CELF2: variants seen among roughly 807,000 people sequenced by gnomAD.
The protein encoded by CELF2 is CUGBP Elav-like family member 2.
A neutral mutation model predicts 62.6 loss-of-function variants in CELF2; 8 were observed. The observed-to-expected ratio is 0.13, with a 90% CI of 0.07 to 0.23. The LOEUF (loss-of-function observed/expected upper bound fraction) is 0.23, where lower values mean the gene tolerates loss of function less well. Among genes scored for constraint, CELF2 ranks in the 10% least tolerant of loss-of-function variants. CELF2 has a pLI of 1.00. For synonymous variants in CELF2, 258 were observed against 250.0 expected (o/e 1.03, Z -0.30); for missense variants, 333 against 671.0 (o/e 0.50, Z 5.56).
At chr10:11,023,071 G>A (rs1342565437) in intron 1 of CELF2, among the ~76,000 whole-genome samples, 1 of 152,168 alleles carries the variant, frequency 6.6e-6, no homozygotes, top group African/African-American at 2.4e-5. Flanking sequence ...TTACCGTTTG[G>A]GAGATTTTGT....
chr10:10,893,361 C>T (rs745932315), intron 1 of CELF2, among the ~76,000 whole-genome samples: 1 of 152,156 alleles, frequency 6.6e-6, no homozygotes, highest in African/African-American at 2.4e-5. Context: ...AGTTCCTTTG[C>T]CATCCAAGTG....
At chr10:10,479,403 G>A in the CELF2 span, among the ~76,000 whole-genome samples, 32 of 152,194 alleles carry the variant, frequency 2.1e-4, no homozygotes, top group African/African-American at 3.9e-4. Flanking sequence ...TCCTGACCTC[G>A]TGATCCACCT....
chr10:10,742,639 A>C, the CELF2 span, among the ~76,000 whole-genome samples: 4 of 152,000 alleles, frequency 2.6e-5, no homozygotes, highest in East Asian at 7.7e-4. Context: ...ATTAACTTGG[A>C]ATAAGTCAAA....
intron 1 of CELF2, among the ~76,000 whole-genome samples, chr10:11,052,140 T>C (rs2064071652): frequency 6.6e-6 from 1 of 152,148 alleles, no homozygotes; most frequent in Non-Finnish European, 1.5e-5. Context: ...TTAGCCATGT[T>C]GTCTAGGCTG....
intron 2 of CELF2, among the ~76,000 whole-genome samples, chr10:11,192,717 C>G (rs770398155): frequency 3.9e-5 from 6 of 152,220 alleles, no homozygotes; most frequent in African/African-American, 1.4e-4. Context: ...TCACCGAGTT[C>G]ACATGGGACT....
the CELF2 span, among the ~76,000 whole-genome samples, chr10:10,505,898 C>G: frequency 6.6e-6 from 1 of 152,164 alleles, no homozygotes; most frequent in Non-Finnish European, 1.5e-5. Context: ...TATCTGGGAA[C>G]TCATCACCAT....
the CELF2 span, among the ~76,000 whole-genome samples, chr10:10,704,495 A>T: frequency 6.6e-6 from 1 of 152,344 alleles, no homozygotes; most frequent in South Asian, 2.1e-4. Flanking sequence ...TTTATTAAAC[A>T]TGTTACTGCT....
chr10:10,563,673 T>C, the CELF2 span, among the ~76,000 whole-genome samples: 1 of 138,312 alleles, frequency 7.2e-6, no homozygotes, highest in Non-Finnish European at 1.6e-5. Context: ...GATGGCGGGG[T>C]GGGATTCCTG....
intron 1 of CELF2, among the ~76,000 whole-genome samples, chr10:11,093,429 A>C (rs892780020): frequency 1.3e-5 from 2 of 152,204 alleles, no homozygotes; most frequent in African/African-American, 2.4e-5. Context: ...TATGTAAGTC[A>C]ATCTGTGGCA....
intron 1 of CELF2, among the ~76,000 whole-genome samples, chr10:11,134,960 C>T (rs1021614713): frequency 6.6e-6 from 1 of 152,208 alleles, no homozygotes; most frequent in Admixed American, 6.5e-5. Context: ...CAGTGTCTAG[C>T]ATCAATGCTG....
At chr10:11,206,867 A>T (rs2060549699) in intron 2 of CELF2, among the ~76,000 whole-genome samples, 1 of 152,036 alleles carries the variant, frequency 6.6e-6, no homozygotes, top group African/African-American at 2.4e-5. Flanking sequence ...TCTTCACGTC[A>T]CCCCCTGGGG....
chr10:10,819,815 T>C (rs2056806157), intron 1 of CELF2, among the ~76,000 whole-genome samples: 1 of 152,178 alleles, frequency 6.6e-6, no homozygotes. Context: ...TTCCCACCCA[T>C]TGTCAACTGT....
chr10:10,950,549 C>T (rs1292700899), intron 2 of CELF2, among the ~76,000 whole-genome samples: 1 of 152,142 alleles, frequency 6.6e-6, no homozygotes, highest in Non-Finnish European at 1.5e-5. Flanking sequence ...TATCATGGGA[C>T]TGCCTCACTC....
the CELF2 span, among the ~76,000 whole-genome samples, chr10:10,610,264 C>T: frequency 1.3e-5 from 2 of 152,196 alleles, no homozygotes; most frequent in Admixed American, 1.3e-4. Flanking sequence ...CTAATTAGAG[C>T]TGTATCCTTA....
chr10:10,572,983 T>G, the CELF2 span, among the ~76,000 whole-genome samples: 1 of 152,224 alleles, frequency 6.6e-6, no homozygotes, highest in African/African-American at 2.4e-5. Context: ...ACCAGCAGTG[T>G]AAAAGCATTC....
At chr10:10,648,926 G>A in the CELF2 span, among the ~76,000 whole-genome samples, 2 of 152,222 alleles carry the variant, frequency 1.3e-5, no homozygotes, top group East Asian at 1.9e-4. Context: ...TGATGCTGTC[G>A]GCTATTACCC....
intron 1 of CELF2, among the ~76,000 whole-genome samples, chr10:10,835,989 GGGAGGTTGAAAGACCAATTTT>G (rs1273114686): frequency 6.6e-6 from 1 of 151,968 alleles, no homozygotes; most frequent in Non-Finnish European, 1.5e-5. Flanking sequence ...GTGGAGGGAG[GGGAGGTTGAAAGACCAATTTT>G]GGACATGTCA....
At chr10:10,605,459 C>T in the CELF2 span, among the ~76,000 whole-genome samples, 1 of 152,166 alleles carries the variant, frequency 6.6e-6, no homozygotes, top group Non-Finnish European at 1.5e-5. Context: ...ATAACTCCTA[C>T]TATCCAATAA....
Position 10,983,836 on chromosome 10 carries a change from A to T in CELF2, c.89+63837A>T, listed in dbSNP as rs1035523662. ...TGCCTCAGCCTCCCAAAGTGCTGGG[A>T]TTACAGGCATGAGCTACCACGCCTG... On this transcript the variant is annotated intron_variant, in intron 2 of 13. Coordinates refer to the CELF2 transcript ENST00000636488. The surrounding 1 kb of genome is among the most constrained non-coding windows in gnomAD (Gnocchi z 5.2). Among the ~76,000 whole-genome samples the T allele has an allele frequency of 3.3e-5, 5 of 152,200 alleles. No homozygotes were observed. The highest frequency in any genetic ancestry group is 7.4e-5 in the Non-Finnish European group (5 of 68,020).
Sources: allele counts gnomAD v4.1 joint callset (sites outside exome capture counted in the v4.1 genomes callset), GRCh38; gene constraint gnomAD v4.1.1; non-coding constraint Gnocchi (gnomAD v3.1); transcripts MANE v1.5; gene names NCBI Gene and HGNC (gene_info 2026-07-23, HGNC 2026-07-21).